MME: variants seen among roughly 807,000 people sequenced by gnomAD.
The protein encoded by MME is neprilysin.
Under a neutral mutation model 113.2 loss-of-function variants are expected in MME, and 98 were observed. The ratio of observed to expected loss-of-function variants is 0.87; its 90% CI spans 0.74 to 1.02. The LOEUF (loss-of-function observed/expected upper bound fraction) is 1.02, where lower values mean the gene tolerates loss of function less well. MME is among the 50% of genes least tolerant of loss of function. The pLI, the probability that MME is intolerant of heterozygous loss-of-function variation, is 0.00. For synonymous variants in MME, 292 were observed against 300.6 expected (o/e 0.97, Z 0.30); for missense variants, 836 against 896.0 (o/e 0.93, Z 0.86).
chr3:155,066,029 G>T (rs1714371156), intron 1 of MME, among the ~76,000 whole-genome samples: 1 of 152,146 alleles, frequency 6.6e-6, no homozygotes, highest in South Asian at 2.1e-4. Context: ...ACTTAGCAGA[G>T]CGAAGGGCTA....
chr3:155,141,827 TA>T (rs1378000527), intron 10 of MME, among the ~76,000 whole-genome samples, 163 bp from the exon 11 acceptor site: 2 of 152,302 alleles, frequency 1.3e-5, no homozygotes, highest in East Asian at 3.9e-4. Context: ...GCTAGGTAAA[TA>T]ATCATGTTGC....
At chr3:155,035,994 C>A (rs1003706976) in intron 1 of MME, among the ~76,000 whole-genome samples, 1 of 151,978 alleles carries the variant, frequency 6.6e-6, no homozygotes, top group African/African-American at 2.4e-5. Context: ...AATGATGGTA[C>A]CTTGAACCAG....
chr3:155,051,612 C>T (rs1417297103), intron 1 of MME, among the ~76,000 whole-genome samples: 1 of 152,164 alleles, frequency 6.6e-6, no homozygotes, highest in African/African-American at 2.4e-5. Context: ...AACTGACTCA[C>T]TATCATGAGA....
chr3:155,075,537 T>G (rs543148116), upstream of MME, among the ~76,000 whole-genome samples: 18 of 152,314 alleles, frequency 1.2e-4, no homozygotes, highest in African/African-American at 4.3e-4. Flanking sequence ...TTTAATTTTG[T>G]TTTTTCTTTC....
intron 1 of MME, among the ~76,000 whole-genome samples, chr3:155,059,258 C>CAAAAAAAAAA (rs11459710): frequency 1.8e-5 from 1 of 56,082 alleles, no homozygotes; most frequent in African/African-American, 7.2e-5. Context: ...AATTCTGTCT[C>CAAAAAAAAAA]AAAAAAAAAA....
intron 20 of MME, 71 bp downstream of exon 20, chr3:155,168,868 A>G: frequency 1.5e-6 from 2 of 1,362,522 alleles, no homozygotes; most frequent in Non-Finnish European, 2.1e-6. Flanking sequence ...TTCATTTAAA[A>G]CCTTTTGCAA....
At chr3:155,097,956 G>A (rs1716878697) in intron 3 of MME, among the ~76,000 whole-genome samples, 1 of 152,164 alleles carries the variant, frequency 6.6e-6, no homozygotes. Context: ...GGCTTCAACA[G>A]ATATTGTCAG....
chr3:155,084,402 T>C, intron 2 of MME, 75 bp downstream of exon 2: 1 of 1,477,972 alleles, frequency 6.8e-7, no homozygotes, highest in East Asian at 2.3e-5. Context: ...TTACCATCTA[T>C]CCAACGAATG....
At chr3:155,106,354 C>T (rs1440554618) in intron 3 of MME, among the ~76,000 whole-genome samples, 5 of 152,182 alleles carry the variant, frequency 3.3e-5, no homozygotes, top group African/African-American at 1.2e-4. Context: ...TGGTATCCCC[C>T]ACTCTCCATC....
chr3:155,084,248 G>A lies in MME; in HGVS notation c.81G>A (p.Leu27=), dbSNP rs1408954792. 2 of 1,614,116 alleles carry A rather than the reference G, an allele frequency of 1.2e-6. No homozygotes were observed. The highest frequency in any genetic ancestry group is 1.1e-5 in the South Asian group (1 of 91,086). The stretch of plus-strand genomic sequence containing the variant: ...AGAAGAAACAGCGATGGACTCCACT[G>A]GAGATCAGCCTCTCGGTCCTTGTCC... The part of the protein sequence containing the change: ...KPKKKQRWTP[L]EISLSVLVLL... The change falls in exon 2 of 23, where the codon CTG becomes CTA. Residue 27 remains leucine, a synonymous_variant. Transcript: ENST00000360490.
At chr3:155,114,268 C>T (rs549602201) in intron 3 of MME, among the ~76,000 whole-genome samples, 14 of 152,180 alleles carry the variant, frequency 9.2e-5, no homozygotes, top group African/African-American at 3.1e-4. Flanking sequence ...GTAATAATTC[C>T]TATTTTATAC....
At chr3:155,125,129 T>TG (rs1396220590) in intron 8 of MME, among the ~76,000 whole-genome samples, 1 of 18,580 alleles carries the variant, frequency 5.4e-5, no homozygotes, top group East Asian at 1.2e-3. Flanking sequence ...TGGTGCGCCG[T>TG]TTTTAAGCCG....
chr3:155,159,539 A>G (rs1722560548), intron 16 of MME, among the ~76,000 whole-genome samples: 1 of 152,052 alleles, frequency 6.6e-6, no homozygotes, highest in African/African-American at 2.4e-5. Context: ...ATTAATATGC[A>G]GTCTTCATAA....
chr3:155,025,241 A>G lies in MME; in HGVS notation c.-11+917A>G, dbSNP rs2108109315. On this transcript the variant is annotated intron_variant, in intron 1 of 22. Transcript: ENST00000492661. The stretch of plus-strand genomic sequence containing the variant: ...ATGGGGAGGACACATCTACTCAGCC[A>G]ACTGTGCCAGTGACCAGAGATAAAC... Among the ~76,000 whole-genome samples the G allele has an allele frequency of 2.6e-5, 4 of 152,266 alleles. No individual in the cohort carries two copies. The Middle Eastern group carries it at 0.01, about 388-fold the overall frequency.
chr3:155,174,325 CGT>C (rs3839085), intron 22 of MME, among the ~76,000 whole-genome samples: 23,371 of 109,634 alleles, frequency 0.21, 2,529 homozygotes, highest in Non-Finnish European at 0.27. Flanking sequence ...ACAACAGAAG[CGT>C]GTGTGTGTGT....
At chr3:155,042,167 A>C (rs1482801908) in intron 1 of MME, among the ~76,000 whole-genome samples, 1 of 152,184 alleles carries the variant, frequency 6.6e-6, no homozygotes, top group Non-Finnish European at 1.5e-5. Context: ...AGGAACTCAG[A>C]GTTTTCCCAA....
chr3:155,094,073 T>C (rs1716519678), intron 3 of MME, among the ~76,000 whole-genome samples: 1 of 152,196 alleles, frequency 6.6e-6, no homozygotes, highest in African/African-American at 2.4e-5. Flanking sequence ...AATAATCAGA[T>C]GAATAGAATA....
At chr3:155,046,323 C>A (rs1461865994) in intron 1 of MME, among the ~76,000 whole-genome samples, 1 of 152,158 alleles carries the variant, frequency 6.6e-6, no homozygotes, top group Non-Finnish European at 1.5e-5. Flanking sequence ...TCTTGTGCCA[C>A]ATAATGACAT....
intron 10 of MME, among the ~76,000 whole-genome samples, chr3:155,140,628 G>A (rs138318228): frequency 1.3e-5 from 2 of 151,862 alleles, no homozygotes; most frequent in East Asian, 3.9e-4. Context: ...ATCTGGTCTC[G>A]AACCCCTGAG....
Sources: allele counts gnomAD v4.1 joint callset (sites outside exome capture counted in the v4.1 genomes callset), GRCh38; gene constraint gnomAD v4.1.1; transcripts MANE v1.5; gene names NCBI Gene and HGNC (gene_info 2026-07-23, HGNC 2026-07-21).